LRRC8B: variants seen among roughly 807,000 people sequenced by gnomAD.
LRRC8B encodes the protein volume-regulated anion channel subunit LRRC8B.
Under a neutral mutation model 58.8 loss-of-function variants are expected in LRRC8B, and 23 were observed. The observed-to-expected ratio is 0.39, with a 90% CI of 0.28 to 0.55. The LOEUF (loss-of-function observed/expected upper bound fraction) is 0.55, where lower values mean the gene tolerates loss of function less well. LRRC8B is among the 20% of genes least tolerant of loss of function. The probability of loss-of-function intolerance (pLI) is 0.62; values close to 1 mark genes in which losing one functional copy is unlikely to be tolerated. For synonymous variants in LRRC8B, 359 were observed against 374.1 expected (o/e 0.96, Z 0.47); for missense variants, 694 against 936.0 (o/e 0.74, Z 3.37).
At position 89,583,438 on chromosome 1, in the gene LRRC8B, TAGTCAA is replaced by T. The variant is rs746659467; in HGVS notation, c.794_799del (p.Lys265_Val266del). 1 of 1,614,132 alleles carries T rather than the reference TAGTCAA, an allele frequency of 6.2e-7. No individual in the cohort carries two copies. Among genetic ancestry groups the T allele is most frequent in the Non-Finnish European group, 8.5e-7 (1 of 1,180,026 alleles). On this transcript the variant is annotated inframe_deletion, in exon 5 of 6. Transcript: ENST00000330947. This position sits in a 1 kb window ranked among gnomAD's most constrained non-coding sequence, Gnocchi z 5.2. ...TATAGAGTATATCTGAAACAGATAA[TAGTCAA>T]AGTCATTTTGTTTGTGCTCATCATA...
At chr1:89,560,305 T>C (rs554830295) in intron 1 of LRRC8B, among the ~76,000 whole-genome samples, 5 of 152,292 alleles carry the variant, frequency 3.3e-5, no homozygotes, top group African/African-American at 7.2e-5. Flanking sequence ...TCCACCAATA[T>C]AGTTCTGTGC....
chr1:89,576,306 C>T (rs1363468281), intron 3 of LRRC8B, among the ~76,000 whole-genome samples: 1 of 152,148 alleles, frequency 6.6e-6, no homozygotes, highest in African/African-American at 2.4e-5. Flanking sequence ...GTGCAACTTC[C>T]AAGAAGACTT....
At chr1:89,568,863 A>G (rs533558036) in intron 3 of LRRC8B, among the ~76,000 whole-genome samples, 3 of 152,122 alleles carry the variant, frequency 2.0e-5, no homozygotes, top group Admixed American at 6.6e-5. Flanking sequence ...TAATGCTACC[A>G]TGGATTTGGT....
intron 5 of LRRC8B, among the ~76,000 whole-genome samples, chr1:89,590,417 C>G (rs1168151454): frequency 6.6e-6 from 1 of 152,198 alleles, no homozygotes; most frequent in Non-Finnish European, 1.5e-5. Context: ...GAGGTAAGAT[C>G]CTGTGCCTTA....
intron 1 of LRRC8B, among the ~76,000 whole-genome samples, chr1:89,554,275 T>C (rs1652020142): frequency 6.6e-6 from 1 of 152,214 alleles, no homozygotes; most frequent in Non-Finnish European, 1.5e-5. Context: ...ACATAAAATA[T>C]TATGTGCCCT....
chr1:89,564,224 C>T (rs1652876824), intron 1 of LRRC8B, among the ~76,000 whole-genome samples: 1 of 152,154 alleles, frequency 6.6e-6, no homozygotes, highest in Non-Finnish European at 1.5e-5. Context: ...ATCATGTCGA[C>T]TTTAATTATT....
intron 1 of LRRC8B, among the ~76,000 whole-genome samples, chr1:89,543,591 G>A (rs1651183867): frequency 6.6e-6 from 1 of 151,928 alleles, no homozygotes; most frequent in African/African-American, 2.4e-5. Flanking sequence ...TGCCTCCCGG[G>A]TTCAAGTGAT....
intron 1 of LRRC8B, among the ~76,000 whole-genome samples, chr1:89,536,666 A>G (rs751564001): frequency 6.6e-6 from 1 of 152,222 alleles, no homozygotes; most frequent in African/African-American, 2.4e-5. Context: ...TATGAAGAAC[A>G]GTAAAACAGA....
intron 3 of LRRC8B, among the ~76,000 whole-genome samples, chr1:89,574,241 A>G (rs1434652553): frequency 6.6e-6 from 1 of 152,222 alleles, no homozygotes; most frequent in African/African-American, 2.4e-5. Context: ...CCATAGAATC[A>G]TGAGAAATTA....
intron 1 of LRRC8B, among the ~76,000 whole-genome samples, chr1:89,557,320 A>G (rs900301282): frequency 1.3e-5 from 2 of 152,202 alleles, no homozygotes; most frequent in African/African-American, 4.8e-5. Context: ...TGGCATAAAT[A>G]AAGCTCACTT....
intron 5 of LRRC8B, among the ~76,000 whole-genome samples, chr1:89,590,906 T>C (rs1240943820): frequency 3.3e-5 from 5 of 152,188 alleles, no homozygotes; most frequent in African/African-American, 1.2e-4. Context: ...GACATTTGTC[T>C]GGAAACATTT....
At chr1:89,536,036 C>G (rs1330164764) in intron 1 of LRRC8B, among the ~76,000 whole-genome samples, 1 of 152,174 alleles carries the variant, frequency 6.6e-6, no homozygotes, top group African/African-American at 2.4e-5. Flanking sequence ...TAAGAGGGTA[C>G]TGTATAGCTG....
In LRRC8B at chr1:89,534,007, A is replaced by C. The variant is rs137942378; in HGVS notation, c.-241+8985A>C. On this transcript the variant is annotated intron_variant, in intron 1 of 5. Coordinates refer to ENST00000330947, the MANE Select transcript of LRRC8B (RefSeq NM_001369817.2). ...CTGTTTTCAGAGTTCCAGATTTAGC[A>C]ACTTGTAGGGGATGCTTGAAATGGC... 7.3e-3 allele frequency among the ~76,000 whole-genome samples: 1,114 copies of C among 152,296 alleles called. 16 individuals are homozygous for C. Among genetic ancestry groups the C allele is most frequent in the African/African-American group, 0.026 (1,066 of 41,558 alleles).
chr1:89,562,172 CA>C, intron 1 of LRRC8B, among the ~76,000 whole-genome samples: 1 of 151,832 alleles, frequency 6.6e-6, no homozygotes, highest in African/African-American at 2.4e-5. Context: ...CACACACACA[CA>C]CACACACACC....
intron 1 of LRRC8B, among the ~76,000 whole-genome samples, chr1:89,525,447 C>T (rs550525750): frequency 1.3e-5 from 2 of 152,334 alleles, no homozygotes; most frequent in East Asian, 3.9e-4. Context: ...TGAGGGTGCC[C>T]CCATTTGGTC....
At chr1:89,561,968 A>G (rs1404198176) in intron 1 of LRRC8B, among the ~76,000 whole-genome samples, 1 of 152,154 alleles carries the variant, frequency 6.6e-6, no homozygotes, top group Non-Finnish European at 1.5e-5. Context: ...GTTCGACCCC[A>G]CATATCCAGA....
chr1:89,556,329 G>A (rs1394439562), intron 1 of LRRC8B, among the ~76,000 whole-genome samples: 1 of 152,104 alleles, frequency 6.6e-6, no homozygotes, highest in Non-Finnish European at 1.5e-5. Flanking sequence ...CCATTTGGCT[G>A]TTCCTGAGTT....
chr1:89,545,390 C>T (rs1367459559), intron 1 of LRRC8B, among the ~76,000 whole-genome samples: 2 of 152,154 alleles, frequency 1.3e-5, no homozygotes, highest in African/African-American at 2.4e-5. Context: ...AAATTAATTC[C>T]TATTCCTCAG....
chr1:89,531,301 GA>G (rs1046222057), intron 1 of LRRC8B, among the ~76,000 whole-genome samples: 4 of 152,030 alleles, frequency 2.6e-5, no homozygotes, highest in African/African-American at 4.8e-5. Flanking sequence ...AGCTTCACAG[GA>G]AAAAAAGCCT....
Sources: allele counts gnomAD v4.1 joint callset (sites outside exome capture counted in the v4.1 genomes callset), GRCh38; gene constraint gnomAD v4.1.1; non-coding constraint Gnocchi (gnomAD v3.1); transcripts MANE v1.5; gene names NCBI Gene and HGNC (gene_info 2026-07-23, HGNC 2026-07-21).